Variants in ARHGEF3 observed in about 807,000 individuals in gnomAD.
ARHGEF3 encodes Rho guanine nucleotide exchange factor 3.
In ARHGEF3, 28 loss-of-function variants were observed where a neutral mutation model predicts 63.2. The ratio of observed to expected loss-of-function variants is 0.44; its 90% CI spans 0.33 to 0.61. ARHGEF3 has a LOEUF of 0.61. Ranked by LOEUF, ARHGEF3 falls within the 20% of genes least tolerant of loss-of-function variation. The pLI is 0.03. For missense variants in ARHGEF3, 533 were observed against 659.3 expected, an observed-to-expected ratio of 0.81 and a Z score of 2.10; for synonymous variants, 266 against 254.2, an observed-to-expected ratio of 1.05 and a Z score of -0.44.
Position 56,753,540 on chromosome 3 carries a change from T to C in ARHGEF3, c.402A>G (p.Glu134=), listed in dbSNP as rs1221996072. 1.2e-6 allele frequency: 2 copies of C among 1,613,964 alleles called. No homozygotes were observed. Among genetic ancestry groups the C allele is most frequent in the East Asian group, 2.2e-5 (1 of 44,870 alleles). The change falls in exon 4 of 10, where the codon GAA becomes GAG. Residue 134 remains glutamate, a synonymous_variant. Coordinates refer to ENST00000296315, the MANE Select transcript of ARHGEF3 (RefSeq NM_019555.3). The stretch of plus-strand genomic sequence containing the variant: ...ATTTCAAGTCTTCTATCAAGTCTTC[T>C]TCTCCTTGGGAAAGCTCAAAGATCG... ...QEAIFELSQG[E]EDLIEDLKLA... is the part of the protein sequence containing the mutation.
chr3:56,990,820 C>T (rs919182799), intron 2 of ARHGEF3, among the ~76,000 whole-genome samples: 2 of 152,148 alleles, frequency 1.3e-5, no homozygotes, highest in African/African-American at 4.8e-5. Context: ...TTAAATTCAA[C>T]ATCTCCACAA....
chr3:57,002,703 C>T (rs1197436736), intron 2 of ARHGEF3, among the ~76,000 whole-genome samples: 1 of 148,598 alleles, frequency 6.7e-6, no homozygotes, highest in Admixed American at 6.8e-5. Flanking sequence ...GGAATTAAGC[C>T]TAGTACCTAT....
intron 3 of ARHGEF3, among the ~76,000 whole-genome samples, chr3:56,948,702 A>G (rs1699646520): frequency 6.6e-6 from 1 of 152,212 alleles, no homozygotes; most frequent in Admixed American, 6.5e-5. Context: ...CCAGAGGTAC[A>G]AGGAGGAGCT....
At chr3:56,751,449 C>CA in intron 4 of ARHGEF3, 53 bp from the exon 5 acceptor site, 1 of 1,495,966 alleles carries the variant, frequency 6.7e-7, no homozygotes, top group Non-Finnish European at 9.3e-7. Context: ...AGAGGAAGTA[C>CA]ATTGTTCATG....
At chr3:57,053,055 C>T (rs1401521075) in intron 1 of ARHGEF3, among the ~76,000 whole-genome samples, 1 of 152,208 alleles carries the variant, frequency 6.6e-6, no homozygotes, top group Non-Finnish European at 1.5e-5. Flanking sequence ...CCCACCACCA[C>T]CATTTAATCC....
chr3:56,750,323 A>G (rs2034660095), intron 6 of ARHGEF3, among the ~76,000 whole-genome samples: 1 of 152,170 alleles, frequency 6.6e-6, no homozygotes, highest in Non-Finnish European at 1.5e-5. Context: ...AAACAACTTT[A>G]AGTACACAAT....
intron 4 of ARHGEF3, among the ~76,000 whole-genome samples, chr3:56,809,379 C>A (rs2037981249): frequency 6.6e-6 from 1 of 152,112 alleles, no homozygotes; most frequent in South Asian, 2.1e-4. Context: ...CCCAGGACAA[C>A]CTTTGCCACT....
chr3:56,800,147 A>G (rs2037568203), intron 1 of ARHGEF3, among the ~76,000 whole-genome samples: 1 of 152,234 alleles, frequency 6.6e-6, no homozygotes, highest in Admixed American at 6.5e-5. Context: ...ACTCAAAAAC[A>G]CAGGACTAAG....
chr3:57,022,765 A>T (rs1284144414), intron 2 of ARHGEF3, among the ~76,000 whole-genome samples: 2 of 151,732 alleles, frequency 1.3e-5, no homozygotes, highest in Admixed American at 1.3e-4. Context: ...GGAAGAGAGG[A>T]CCTATCTTTC....
intron 1 of ARHGEF3, among the ~76,000 whole-genome samples, chr3:57,042,456 C>A (rs1298957046): frequency 5.3e-5 from 8 of 151,588 alleles, no homozygotes; most frequent in Non-Finnish European, 8.8e-5. Flanking sequence ...TGAGAGCCAG[C>A]ACATACTAGT....
rs776970187 is a variant in ARHGEF3 at position 56,745,469 on chromosome 3, A to C, written c.613-7T>G. On this transcript the variant is annotated splice_polypyrimidine_tract_variant and splice_region_variant and intron_variant, in intron 6 of 9. Coordinates refer to ENST00000296315, the MANE Select transcript of ARHGEF3 (RefSeq NM_019555.3). ...AGGAGCTGAGGCAAGGGAGCTAAGA[A>C]GGAAACAGAAAGAGAAGGTTGGAAT... 6.2e-7 allele frequency: 1 copy of C among 1,611,930 alleles called. No homozygotes were observed. The highest frequency in any genetic ancestry group is 8.5e-7 in the Non-Finnish European group (1 of 1,178,910).
At chr3:56,990,197 C>T (rs762118829) in intron 2 of ARHGEF3, among the ~76,000 whole-genome samples, 2 of 152,104 alleles carry the variant, frequency 1.3e-5, no homozygotes, top group African/African-American at 4.8e-5. Flanking sequence ...AAAGAGAATA[C>T]CAGAGGTGGG....
At chr3:57,067,815 T>TAA (rs542326960) in intron 1 of ARHGEF3, among the ~76,000 whole-genome samples, 2,421 of 139,980 alleles carry the variant, frequency 0.017, 62 homozygotes, top group African/African-American at 0.059. Context: ...CCGTCTCTAC[T>TAA]AAAAAAAAAA....
At chr3:56,969,744 C>A (rs1160955949) in intron 2 of ARHGEF3, among the ~76,000 whole-genome samples, 1 of 115,756 alleles carries the variant, frequency 8.6e-6, no homozygotes, top group Non-Finnish European at 2.0e-5. Context: ...CAGAGTGAGA[C>A]TCCGTATCAA....
chr3:56,732,803 G>GA (rs991350260), intron 8 of ARHGEF3, among the ~76,000 whole-genome samples: 1 of 151,692 alleles, frequency 6.6e-6, no homozygotes, highest in Non-Finnish European at 1.5e-5. Flanking sequence ...GTGATGAAGG[G>GA]AAAAAAAAGT....
intron 4 of ARHGEF3, among the ~76,000 whole-genome samples, chr3:56,864,944 A>C (rs1183000910): frequency 6.6e-6 from 1 of 152,150 alleles, no homozygotes; most frequent in African/African-American, 2.4e-5. Context: ...CCCAAACTAA[A>C]CAAAGCCTCC....
chr3:57,035,725 G>A (rs1367320896), intron 1 of ARHGEF3, among the ~76,000 whole-genome samples: 1 of 152,246 alleles, frequency 6.6e-6, no homozygotes, highest in African/African-American at 2.4e-5. Context: ...GTGAGAAGAA[G>A]TGATGTGTGC....
intron 2 of ARHGEF3, among the ~76,000 whole-genome samples, chr3:56,984,615 A>G (rs1701463845): frequency 6.6e-6 from 1 of 152,272 alleles, no homozygotes; most frequent in South Asian, 2.1e-4. Context: ...TGATCGTGGC[A>G]TAACTTTTTA....
intron 3 of ARHGEF3, among the ~76,000 whole-genome samples, chr3:56,952,132 T>A (rs1215496960): frequency 6.6e-6 from 1 of 151,988 alleles, no homozygotes; most frequent in East Asian, 1.9e-4. Flanking sequence ...AGAGAGATCA[T>A]CTGAGTGGGC....
Sources: gnomAD v4.1 joint callset for allele counts (sites outside exome capture counted in the v4.1 genomes callset) on GRCh38, gnomAD v4.1.1 for gene constraint, MANE v1.5 for transcripts, NCBI Gene and HGNC (gene_info 2026-07-23, HGNC 2026-07-21) for gene names.